ACTR3C: variants seen among roughly 807,000 people sequenced by gnomAD.
The protein encoded by ACTR3C is actin-related protein 3C.
A neutral mutation model predicts 26.3 loss-of-function variants in ACTR3C; 18 were observed. The observed-to-expected ratio is 0.68, with a 90% CI of 0.47 to 1.01. The LOEUF (loss-of-function observed/expected upper bound fraction) is 1.01. ACTR3C is among the 50% of genes least tolerant of loss of function. ACTR3C has a pLI of 0.00. For missense variants in ACTR3C, 184 were observed against 250.7 expected, an observed-to-expected ratio of 0.73 and a Z score of 1.80; for synonymous variants, 55 against 94.5, an observed-to-expected ratio of 0.58 and a Z score of 2.42.
chr7:150,048,573 G>A, the ACTR3C span, among the ~76,000 whole-genome samples: 2 of 151,964 alleles, frequency 1.3e-5, no homozygotes, highest in African/African-American at 4.8e-5. Flanking sequence ...AGCGGACGGT[G>A]CAAGGGGATG....
chr7:149,937,728 C>T, the ACTR3C span, among the ~76,000 whole-genome samples: 2 of 152,082 alleles, frequency 1.3e-5, no homozygotes, highest in Admixed American at 6.5e-5. Flanking sequence ...AGCAGGAGCT[C>T]GGGGATGGGA....
chr7:150,125,429 G>A, the ACTR3C span, among the ~76,000 whole-genome samples: 1 of 137,164 alleles, frequency 7.3e-6, no homozygotes, highest in Admixed American at 7.5e-5. Context: ...CTAATAGAGA[G>A]TCTAGAAAAT....
At chr7:150,177,854 T>G in the ACTR3C span, among the ~76,000 whole-genome samples, 1 of 150,840 alleles carries the variant, frequency 6.6e-6, no homozygotes, top group Admixed American at 6.6e-5. Context: ...GAATAAATAC[T>G]GATATATTTT....
the ACTR3C span, among the ~76,000 whole-genome samples, chr7:150,206,443 C>T: frequency 2.0e-5 from 3 of 151,766 alleles, no homozygotes; most frequent in Admixed American, 2.0e-4. Context: ...GATGGAGTTT[C>T]GCTCCTGTTG....
the ACTR3C span, among the ~76,000 whole-genome samples, chr7:150,111,077 G>T: frequency 2.7e-4 from 40 of 150,180 alleles, 1 homozygote; most frequent in East Asian, 2.3e-3. Flanking sequence ...GTACCTCACA[G>T]GTACCCACAT....
chr7:150,148,632 T>A, the ACTR3C span, among the ~76,000 whole-genome samples: 1 of 152,242 alleles, frequency 6.6e-6, no homozygotes, highest in African/African-American at 2.4e-5. Flanking sequence ...TCTGGCTAGA[T>A]AAATGTGTCA....
At chr7:150,087,620 C>G in the ACTR3C span, among the ~76,000 whole-genome samples, 1 of 152,088 alleles carries the variant, frequency 6.6e-6, no homozygotes, top group Non-Finnish European at 1.5e-5. Flanking sequence ...AAACAGAAAT[C>G]AGCGAGTGAG....
At chr7:150,155,806 C>T in the ACTR3C span, among the ~76,000 whole-genome samples, 2 of 143,138 alleles carry the variant, frequency 1.4e-5, no homozygotes, top group Non-Finnish European at 3.0e-5. Flanking sequence ...CCTCCCCTCT[C>T]TGCTCATTCC....
the ACTR3C span, among the ~76,000 whole-genome samples, chr7:150,229,579 C>T: frequency 2.0e-5 from 3 of 151,868 alleles, no homozygotes; most frequent in African/African-American, 2.4e-5. Flanking sequence ...CCGCCTCCCA[C>T]GTTCAAACAA....
At chr7:149,903,020 T>C in the ACTR3C span, among the ~76,000 whole-genome samples, 1 of 26,366 alleles carries the variant, frequency 3.8e-5, no homozygotes, top group South Asian at 3.9e-3. Context: ...TGACTAAATG[T>C]CAATACTCAC....
At chr7:149,905,145 G>GA in the ACTR3C span, among the ~76,000 whole-genome samples, 6 of 151,092 alleles carry the variant, frequency 4.0e-5, no homozygotes, top group African/African-American at 1.2e-4. Flanking sequence ...GCTATTCTGA[G>GA]AAAAAAAATG....
At chr7:149,892,059 G>A in the ACTR3C span, among the ~76,000 whole-genome samples, 1 of 144,400 alleles carries the variant, frequency 6.9e-6, no homozygotes, top group African/African-American at 2.5e-5. Flanking sequence ...AGTCTATTCT[G>A]CATTCCAGGG....
chr7:150,321,776 G>C, intron 1 of ACTR3C, among the ~76,000 whole-genome samples: 1 of 152,286 alleles, frequency 6.6e-6, no homozygotes, highest in East Asian at 1.9e-4. Flanking sequence ...CTTGGATAAA[G>C]TGTAAAGATA....
At chr7:149,914,036 C>T in the ACTR3C span, among the ~76,000 whole-genome samples, 13 of 151,868 alleles carry the variant, frequency 8.6e-5, no homozygotes, top group African/African-American at 3.1e-4. Flanking sequence ...CAGGCACATG[C>T]CATCACACCC....
the ACTR3C span, among the ~76,000 whole-genome samples, chr7:150,027,918 G>C: frequency 6.6e-6 from 1 of 151,934 alleles, no homozygotes; most frequent in African/African-American, 2.4e-5. Context: ...GGAGTCCACA[G>C]TTTAACTCTT....
chr7:150,125,858 A>C, the ACTR3C span, among the ~76,000 whole-genome samples: 1 of 152,356 alleles, frequency 6.6e-6, no homozygotes, highest in African/African-American at 2.4e-5. Flanking sequence ...ATGGTCGAAG[A>C]AGCCAGCGCA....
intron 1 of ACTR3C, among the ~76,000 whole-genome samples, chr7:150,296,936 C>G (rs1430165911): frequency 6.6e-6 from 1 of 151,580 alleles, no homozygotes; most frequent in Non-Finnish European, 1.5e-5. Context: ...AGGAAGAGGG[C>G]TGCGCCAGGA....
At chr7:150,261,465 GGTACCTTTTAAACT>G (rs1254687306) in intron 6 of ACTR3C, among the ~76,000 whole-genome samples, 1 of 152,218 alleles carries the variant, frequency 6.6e-6, no homozygotes, top group Non-Finnish European at 1.5e-5. Context: ...CTCCAAAAGA[GGTACCTTTTAAACT>G]GTACCTTTAT....
the ACTR3C span, among the ~76,000 whole-genome samples, chr7:149,918,472 C>T: frequency 1.3e-5 from 2 of 152,366 alleles, no homozygotes; most frequent in East Asian, 3.9e-4. Context: ...AGGCGGATCA[C>T]CTGAGGTCGG....
Sources: gnomAD v4.1 joint callset for allele counts (sites outside exome capture counted in the v4.1 genomes callset) on GRCh38, gnomAD v4.1.1 for gene constraint, MANE v1.5 for transcripts, NCBI Gene and HGNC (gene_info 2026-07-23, HGNC 2026-07-21) for gene names.